EPHA6: variants seen among roughly 807,000 people sequenced by gnomAD.
The protein encoded by EPHA6 is EPH receptor A6.
Under a neutral mutation model 112.0 loss-of-function variants are expected in EPHA6, and 50 were observed. The ratio of observed to expected loss-of-function variants is 0.45; its 90% CI spans 0.36 to 0.56. The LOEUF is 0.56. Among genes scored for constraint, EPHA6 ranks in the 20% least tolerant of loss-of-function variants. The pLI is 0.00. For missense variants in EPHA6, 1,280 were observed against 1,417.4 expected, an observed-to-expected ratio of 0.90 and a Z score of 1.56; for synonymous variants, 529 against 490.7, an observed-to-expected ratio of 1.08 and a Z score of -1.03.
intron 5 of EPHA6, among the ~76,000 whole-genome samples, chr3:97,337,157 C>T (rs2083094967): frequency 6.6e-6 from 1 of 152,082 alleles, no homozygotes; most frequent in South Asian, 2.1e-4. Flanking sequence ...GATGGATTTA[C>T]TGTTATCACA....
intron 3 of EPHA6, among the ~76,000 whole-genome samples, chr3:97,120,233 T>G (rs959316546): frequency 2.6e-4 from 39 of 152,138 alleles, no homozygotes; most frequent in African/African-American, 8.7e-4. Flanking sequence ...CTTGGTGATG[T>G]GTACATACCC....
At chr3:97,353,700 T>C (rs1438261741) in intron 5 of EPHA6, among the ~76,000 whole-genome samples, 4 of 152,124 alleles carry the variant, frequency 2.6e-5, no homozygotes, top group African/African-American at 9.7e-5. Context: ...GTGGAAAAGT[T>C]GCACCCCTGA....
chr3:97,441,388 C>T (rs2090131708), intron 6 of EPHA6: 4 of 844,466 alleles, frequency 4.7e-6, no homozygotes. Flanking sequence ...ATCCATAATT[C>T]ATTTCACATT....
intron 7 of EPHA6, among the ~76,000 whole-genome samples, chr3:97,460,733 T>A (rs1476451362): frequency 6.6e-6 from 1 of 152,086 alleles, no homozygotes. Context: ...ATTGTGTCAA[T>A]TAAAGACAAC....
chr3:97,353,860 G>A (rs539482567), intron 5 of EPHA6, among the ~76,000 whole-genome samples: 4 of 152,258 alleles, frequency 2.6e-5, no homozygotes, highest in African/African-American at 9.6e-5. Flanking sequence ...ACTCAGCATA[G>A]TCCCAGTGGT....
At chr3:96,955,989 A>G (rs985871782) in intron 2 of EPHA6, among the ~76,000 whole-genome samples, 8 of 152,322 alleles carry the variant, frequency 5.3e-5, no homozygotes, top group African/African-American at 1.9e-4. Flanking sequence ...CCTTTTTTAT[A>G]CTTATGTGAA....
At chr3:97,356,072 C>T (rs1016752256) in intron 5 of EPHA6, among the ~76,000 whole-genome samples, 3 of 152,202 alleles carry the variant, frequency 2.0e-5, no homozygotes, top group Non-Finnish European at 4.4e-5. Flanking sequence ...AGCTGCTCCC[C>T]ATCACTAGCA....
chr3:97,624,136 T>TTA (rs1359359460), intron 13 of EPHA6, among the ~76,000 whole-genome samples: 1 of 151,738 alleles, frequency 6.6e-6, no homozygotes, highest in Non-Finnish European at 1.5e-5. Flanking sequence ...AACTTTCAAT[T>TTA]TATAACGGTC....
intron 3 of EPHA6, among the ~76,000 whole-genome samples, chr3:97,145,148 G>A (rs1380857327): frequency 6.6e-6 from 1 of 151,088 alleles, no homozygotes; most frequent in Non-Finnish European, 1.5e-5. Flanking sequence ...TCATATTAAG[G>A]TAATTTTTTC....
chr3:97,085,928 C>CATATAT lies in EPHA6; in HGVS notation c.1114+97951_1114+97956dup, dbSNP rs67777487. On this transcript the variant is annotated intron_variant, in intron 3 of 17. Coordinates refer to ENST00000389672, the MANE Select transcript of EPHA6 (RefSeq NM_001080448.3). ...TTGTGAGCTTTTATATATATGATGT[C>CATATAT]ATATATATATATATATATATACACA... Among the ~76,000 whole-genome samples, 849 of 119,482 alleles carry CATATAT rather than the reference C, an allele frequency of 7.1e-3. 65 individuals carry two copies. Among genetic ancestry groups the CATATAT allele is most frequent in the African/African-American group, 0.035 (792 of 22,334 alleles). 78.4% of individuals were successfully genotyped at this position (119,482 alleles called of 152,430 possible). A position where few individuals can be genotyped will look rare whatever the true frequency, so the allele number is the denominator to read the frequency against.
At chr3:96,827,512 T>G (rs576135812) in intron 1 of EPHA6, among the ~76,000 whole-genome samples, 47 of 152,224 alleles carry the variant, frequency 3.1e-4, no homozygotes, top group African/African-American at 1.1e-3. Flanking sequence ...CCTCAGAGGA[T>G]GTTATGATGG....
At position 97,373,858 on chromosome 3, in the gene EPHA6, T is replaced by G. The variant is rs12635191; in HGVS notation, c.1607-31292T>G. Among the ~76,000 whole-genome samples, 415 of 152,246 alleles carry G rather than the reference T, an allele frequency of 2.7e-3. 8 individuals carry two copies. The East Asian group carries it at 0.073, about 27-fold the overall frequency. ...TTCCCTTCAAAAATTTCATTTGGTT[T>G]GATATGTAAAATTGTTGAAAAATAG... On this transcript the variant is annotated intron_variant, in intron 5 of 17. Coordinates refer to ENST00000389672, the MANE Select transcript of EPHA6 (RefSeq NM_001080448.3).
chr3:97,667,304 C>T (rs1054470835), intron 14 of EPHA6, among the ~76,000 whole-genome samples: 4 of 152,178 alleles, frequency 2.6e-5, no homozygotes, highest in Non-Finnish European at 4.4e-5. Flanking sequence ...AATCATATAA[C>T]TGTAAAAGTG....
intron 5 of EPHA6, among the ~76,000 whole-genome samples, chr3:97,338,750 A>G (rs1244250632): frequency 6.6e-6 from 1 of 152,198 alleles, no homozygotes; most frequent in Non-Finnish European, 1.5e-5. Flanking sequence ...TGCATTACTC[A>G]GCCCCCGAAG....
At chr3:97,481,444 C>T (rs1322555164) in intron 9 of EPHA6, 1 of 1,368,976 alleles carries the variant, frequency 7.3e-7, no homozygotes, top group Non-Finnish European at 1.0e-6. Flanking sequence ...ACAGGCTTTC[C>T]TTTGCAGTTA....
intron 3 of EPHA6, among the ~76,000 whole-genome samples, chr3:97,183,633 CAT>C (rs1177960198): frequency 1.3e-5 from 2 of 152,016 alleles, no homozygotes; most frequent in Non-Finnish European, 2.9e-5. Context: ...TTAAATTAAA[CAT>C]AATGGCCTCA....
intron 3 of EPHA6, among the ~76,000 whole-genome samples, chr3:97,136,578 T>A (rs1244116190): frequency 2.0e-5 from 3 of 151,720 alleles, no homozygotes; most frequent in African/African-American, 7.3e-5. Context: ...ATAAAAAAAA[T>A]AGTACTCAAG....
intron 11 of EPHA6, among the ~76,000 whole-genome samples, chr3:97,532,907 A>T (rs1174488917): frequency 6.6e-6 from 1 of 152,094 alleles, no homozygotes; most frequent in East Asian, 1.9e-4. Context: ...TTAGAAATAA[A>T]TGTCATATAC....
In EPHA6 at chr3:97,753,441, G is replaced by T. The variant is rs1222622835; in HGVS notation, c.*4740G>T. Among the ~76,000 whole-genome samples the T allele has an allele frequency of 6.6e-6, 1 of 152,030 alleles. No individual in the cohort carries two copies. The highest frequency in any genetic ancestry group is 1.9e-4 in the East Asian group (1 of 5,190). On this transcript the variant is annotated 3_prime_UTR_variant, in exon 18 of 18. Transcript: ENST00000389672. Reference sequence around the variant, plus strand: ...CCTCAAATTCTCATAGTATTCTTCCGAAACACTCCATAACCCCTCTGGCGG... The same window carrying T: ...CCTCAAATTCTCATAGTATTCTTCCTAAACACTCCATAACCCCTCTGGCGG...
Sources: allele counts gnomAD v4.1 joint callset (sites outside exome capture counted in the v4.1 genomes callset), GRCh38; gene constraint gnomAD v4.1.1; transcripts MANE v1.5; gene names NCBI Gene and HGNC (gene_info 2026-07-23, HGNC 2026-07-21).